NEDD9: variants seen among roughly 807,000 people sequenced by gnomAD.
NEDD9 encodes enhancer of filamentation 1.
A neutral mutation model predicts 76.6 loss-of-function variants in NEDD9; 26 were observed. The observed-to-expected ratio is 0.34, with a 90% CI of 0.25 to 0.47. NEDD9 has a LOEUF of 0.47. Among genes scored for constraint, NEDD9 ranks in the 20% least tolerant of loss-of-function variants. The pLI is 1.00. For synonymous variants in NEDD9, 392 were observed against 414.2 expected, an observed-to-expected ratio of 0.95 and a Z score of 0.65; for missense variants, 937 against 1,058.5, an observed-to-expected ratio of 0.89 and a Z score of 1.59.
chr6:11,372,191 G>T (rs565464317), intron 1 of NEDD9, among the ~76,000 whole-genome samples: 3 of 138,056 alleles, frequency 2.2e-5, no homozygotes. Context: ...TCTATTGTCT[G>T]TCTTTATGAG....
rs996128288 is a variant in NEDD9, at chr6:11,237,860, C to A, written c.13-24133G>T. ...AGATCTTTCCACATCTACAGGGGAA[C>A]AATCTGGAAGCTGAGTGAGTGCTAG... On this transcript the variant is annotated intron_variant, in intron 3 of 3. Transcript: ENST00000397378. The surrounding 1 kb of genome is among the most constrained non-coding windows in gnomAD (Gnocchi z 4.9). Among the ~76,000 whole-genome samples the A allele has an allele frequency of 5.3e-5, 8 of 152,198 alleles. No individual in the cohort carries two copies. The highest frequency in any genetic ancestry group is 1.5e-5 in the Non-Finnish European group (1 of 68,042).
intron 3 of NEDD9, among the ~76,000 whole-genome samples, chr6:11,250,152 T>G (rs1402335387): frequency 6.6e-6 from 1 of 152,174 alleles, no homozygotes; most frequent in Non-Finnish European, 1.5e-5. Flanking sequence ...GAGAGAGACG[T>G]TGAGACTAGA....
chr6:11,301,429 A>C (rs1461714054), intron 3 of NEDD9, among the ~76,000 whole-genome samples: 3 of 152,192 alleles, frequency 2.0e-5, no homozygotes, highest in Admixed American at 2.0e-4. Flanking sequence ...GAGACTTTAA[A>C]ACCCCACTGT....
chr6:11,346,089 T>C (rs1462735735), intron 1 of NEDD9, among the ~76,000 whole-genome samples: 1 of 152,244 alleles, frequency 6.6e-6, no homozygotes, highest in Non-Finnish European at 1.5e-5. Flanking sequence ...CGTGTTTATT[T>C]ATTTATTTGG....
chr6:11,296,455 G>A (rs977528656), intron 3 of NEDD9, among the ~76,000 whole-genome samples: 1 of 152,116 alleles, frequency 6.6e-6, no homozygotes, highest in African/African-American at 2.4e-5. Context: ...CATGTTTTTA[G>A]AGAGGTGATA....
chr6:11,186,859 G>A (rs1165702328), intron 6 of NEDD9, among the ~76,000 whole-genome samples: 3 of 152,064 alleles, frequency 2.0e-5, no homozygotes, highest in South Asian at 2.1e-4. Flanking sequence ...CTCATGATCC[G>A]CCCGTCTCGG....
chr6:11,318,357 G>A (rs1410156706), intron 2 of NEDD9, among the ~76,000 whole-genome samples: 3 of 152,162 alleles, frequency 2.0e-5, no homozygotes, highest in Non-Finnish European at 4.4e-5. Flanking sequence ...AGAAAAGAAG[G>A]AAGGAAGGAG....
chr6:11,196,951 C>G (rs1363127156), intron 2 of NEDD9, among the ~76,000 whole-genome samples: 1 of 152,144 alleles, frequency 6.6e-6, no homozygotes, highest in African/African-American at 2.4e-5. Context: ...AGGAAAAGTG[C>G]TGACTGAGCT....
upstream of NEDD9, among the ~76,000 whole-genome samples, chr6:11,233,857 T>C (rs1158423371): frequency 2.0e-5 from 3 of 152,022 alleles, no homozygotes; most frequent in Admixed American, 2.0e-4. Context: ...CCAGACTACA[T>C]GACTTGGATG....
At chr6:11,290,090 C>T (rs1488393772) in intron 3 of NEDD9, among the ~76,000 whole-genome samples, 1 of 152,176 alleles carries the variant, frequency 6.6e-6, no homozygotes, top group Non-Finnish European at 1.5e-5. Flanking sequence ...TCTTTCCACT[C>T]GTATTACCTC....
intron 6 of NEDD9, 135 bp from the exon 7 acceptor site, chr6:11,185,806 G>T (rs1228503655): frequency 2.9e-6 from 3 of 1,033,916 alleles, no homozygotes; most frequent in Non-Finnish European, 4.1e-6. Flanking sequence ...GTAAAGCCTG[G>T]GTCAAGCTGC....
At position 11,213,244 on chromosome 6, in the gene NEDD9, T is replaced by A. The variant is rs756392137; in HGVS notation, c.459+37A>T. ...CTCCAAGTGTAATGGGAAAAAAAAATAAGTAGGAACAAAAATTTAGTTAGT... is the reference window on the plus strand; with the variant it reads ...CTCCAAGTGTAATGGGAAAAAAAAAAAAGTAGGAACAAAAATTTAGTTAGT... On this transcript the variant is annotated intron_variant, in intron 2 of 6. Transcript: ENST00000379446. The surrounding 1 kb of genome is among the most constrained non-coding windows in gnomAD (Gnocchi z 5.4). 2.6e-6 allele frequency: 4 copies of A among 1,531,382 alleles called. No homozygotes were observed. The highest frequency in any genetic ancestry group is 3.5e-6 in the Non-Finnish European group (4 of 1,136,752). The allele number at this position is 1,531,382 out of a possible 1,614,324, so 94.9% of individuals were successfully genotyped here. A position where few individuals can be genotyped will look rare whatever the true frequency, so the allele number is the denominator to read the frequency against.
At chr6:11,365,317 G>T (rs111830379) in intron 1 of NEDD9, among the ~76,000 whole-genome samples, 1 of 152,046 alleles carries the variant, frequency 6.6e-6, no homozygotes, top group Non-Finnish European at 1.5e-5. Context: ...CCTGCTGACC[G>T]CCTGCCTATA....
intron 2 of NEDD9, among the ~76,000 whole-genome samples, chr6:11,318,887 T>C (rs1761663479): frequency 6.6e-6 from 1 of 152,208 alleles, no homozygotes. Flanking sequence ...TAGGAAACTA[T>C]TGGCTGAAAA....
intron 3 of NEDD9, among the ~76,000 whole-genome samples, chr6:11,302,750 A>G (rs1317257188): frequency 6.6e-6 from 1 of 152,222 alleles, no homozygotes; most frequent in African/African-American, 2.4e-5. Flanking sequence ...CATAAACAGA[A>G]CCAATGACAA....
intron 2 of NEDD9, among the ~76,000 whole-genome samples, chr6:11,331,771 G>A (rs1030295329): frequency 6.6e-6 from 1 of 152,130 alleles, no homozygotes; most frequent in East Asian, 1.9e-4. Context: ...AAACCTCACG[G>A]GTAAGTTTGC....
upstream of NEDD9, among the ~76,000 whole-genome samples, chr6:11,236,274 A>G (rs887019973): frequency 2.6e-5 from 4 of 152,160 alleles, no homozygotes; most frequent in Non-Finnish European, 5.9e-5. This position sits in a 1 kb window ranked among gnomAD's most constrained non-coding sequence, Gnocchi z 5.5. Flanking sequence ...TCCGGTGGGC[A>G]TCCCCTCCTG....
Position 11,185,282 on chromosome 6 carries a change from C to T in NEDD9, c.2385G>A (p.Lys795=), listed in dbSNP as rs1344126164. ...EQLKTIVMAT[K]MAALHYPSTT... ...TGCTGGGGTAATGGAGGGCGGCCATCTTGGTTGCCATGACTATGGTCTTGA... is the reference window on the plus strand; with the variant it reads ...TGCTGGGGTAATGGAGGGCGGCCATTTTGGTTGCCATGACTATGGTCTTGA... The change falls in exon 7 of 7, where the codon AAG becomes AAA. Residue 795 remains lysine, a synonymous_variant. Coordinates refer to ENST00000379446, the MANE Select transcript of NEDD9 (RefSeq NM_006403.4). The T allele has an allele frequency of 6.2e-7, 1 of 1,614,070 alleles. No homozygotes were observed. The highest frequency in any genetic ancestry group is 2.2e-5 in the East Asian group (1 of 44,876).
intron 3 of NEDD9, among the ~76,000 whole-genome samples, chr6:11,280,358 A>G (rs1760509748): frequency 6.6e-6 from 1 of 152,158 alleles, no homozygotes; most frequent in Non-Finnish European, 1.5e-5. Context: ...TCCTCTATCT[A>G]AAGTATTTTC....
Sources: allele counts gnomAD v4.1 joint callset (sites outside exome capture counted in the v4.1 genomes callset), GRCh38; gene constraint gnomAD v4.1.1; non-coding constraint Gnocchi (gnomAD v3.1); transcripts MANE v1.5; gene names NCBI Gene and HGNC (gene_info 2026-07-23, HGNC 2026-07-21).